Variants in GRIN2A observed in about 807,000 individuals in gnomAD.
GRIN2A encodes glutamate ionotropic receptor NMDA type subunit 2A.
GRIN2A carries 22 observed loss-of-function variants against 113.4 expected under a neutral mutation model. That is an observed-to-expected ratio of 0.19 (90% CI 0.14 to 0.28). GRIN2A has a LOEUF of 0.28. Ranked by LOEUF, GRIN2A falls within the 10% of genes least tolerant of loss-of-function variation. GRIN2A has a pLI of 1.00. For missense variants in GRIN2A, 1,502 were observed against 1,887.0 expected, an observed-to-expected ratio of 0.80 and a Z score of 3.78; for synonymous variants, 827 against 738.4, an observed-to-expected ratio of 1.12 and a Z score of -1.94.
Position 9,879,676 on chromosome 16 carries a change from T to C in GRIN2A, c.1122+11310A>G, listed in dbSNP as rs563425081. ...GTGCAGACAATTGGGTTCCAAATCCTGGCTTTGAAATTTACTAGCTCTGTG... is the reference window on the plus strand; with the variant it reads ...GTGCAGACAATTGGGTTCCAAATCCCGGCTTTGAAATTTACTAGCTCTGTG... On this transcript the variant is annotated intron_variant, in intron 4 of 12. Transcript: ENST00000330684. Among the ~76,000 whole-genome samples the C allele has an allele frequency of 2.0e-4, 30 of 152,342 alleles. No individual in the cohort carries two copies. In the Middle Eastern group the frequency reaches 0.014, roughly 69 times the overall value.
chr16:9,978,877 A>G (rs137966025), intron 2 of GRIN2A, among the ~76,000 whole-genome samples: 11 of 152,344 alleles, frequency 7.2e-5, no homozygotes, highest in African/African-American at 2.6e-4. Context: ...AGCAAGACAG[A>G]GGGAGAGAAG....
intron 5 of GRIN2A, among the ~76,000 whole-genome samples, chr16:9,842,252 C>CAAAAAAAAA (rs57369493): frequency 1.3e-4 from 18 of 137,096 alleles, no homozygotes; most frequent in African/African-American, 4.9e-4. Context: ...ACTCTGTCTC[C>CAAAAAAAAA]AAAAAAAAAA....
At chr16:10,131,105 A>G (rs1228606727) in intron 2 of GRIN2A, among the ~76,000 whole-genome samples, 1 of 152,238 alleles carries the variant, frequency 6.6e-6, no homozygotes, top group Admixed American at 6.5e-5. Context: ...AGCTGGCATG[A>G]TGGAAAATAG....
intron 2 of GRIN2A, among the ~76,000 whole-genome samples, chr16:10,024,522 T>A (rs774636431): frequency 5.9e-5 from 9 of 152,226 alleles, no homozygotes; most frequent in Admixed American, 2.0e-4. Context: ...CCAGCCAATG[T>A]CACGCACAGT....
intron 4 of GRIN2A, among the ~76,000 whole-genome samples, chr16:9,864,079 G>A (rs577769373): frequency 6.6e-6 from 1 of 152,264 alleles, no homozygotes; most frequent in East Asian, 1.9e-4. Context: ...CCTGCATAAA[G>A]ACAATTTAGA....
chr16:9,917,479 G>A (rs192509912), intron 3 of GRIN2A, among the ~76,000 whole-genome samples: 1 of 152,308 alleles, frequency 6.6e-6, no homozygotes, highest in African/African-American at 2.4e-5. Context: ...AAGCCTCAAT[G>A]TTCTTACATC....
At chr16:9,826,046 A>G (rs1333309132) in intron 9 of GRIN2A, among the ~76,000 whole-genome samples, 3 of 152,022 alleles carry the variant, frequency 2.0e-5, no homozygotes, top group African/African-American at 7.2e-5. Flanking sequence ...AGGGTAGAAG[A>G]AGGAAATAAC....
At chr16:10,152,272 C>CCA (rs146501581) in intron 2 of GRIN2A, among the ~76,000 whole-genome samples, 1,925 of 152,308 alleles carry the variant, frequency 0.013, 46 homozygotes, top group African/African-American at 0.044. Context: ...TACAAACACC[C>CCA]CATGCTCCAA....
At position 9,853,859 on chromosome 16, in the gene GRIN2A, CCTT is replaced by C. The variant is rs764884390; in HGVS notation, c.1123-3901_1123-3899del. 3.3e-5 allele frequency among the ~76,000 whole-genome samples: 5 copies of C among 152,084 alleles called. No homozygotes were observed. The South Asian group carries it at 1.0e-3, about 32-fold the overall frequency. On this transcript the variant is annotated intron_variant, in intron 4 of 12. Transcript: ENST00000330684. ...TGTTTCATTTATACTCCCACTCACT[CCTT>C]CTATATTACAGCAAAAAAACCCATT...
intron 2 of GRIN2A, among the ~76,000 whole-genome samples, chr16:10,137,765 G>A (rs960170223): frequency 6.6e-6 from 1 of 152,206 alleles, no homozygotes; most frequent in Non-Finnish European, 1.5e-5. Context: ...CATTAAATGA[G>A]AGAGTGTGAC....
chr16:9,990,886 G>A (rs947245664), intron 2 of GRIN2A, among the ~76,000 whole-genome samples: 1 of 152,074 alleles, frequency 6.6e-6, no homozygotes, highest in African/African-American at 2.4e-5. Flanking sequence ...GGCCAACATG[G>A]TGAAACCTCC....
chr16:9,932,654 A>AT (rs1313515113), intron 3 of GRIN2A, among the ~76,000 whole-genome samples: 1 of 152,052 alleles, frequency 6.6e-6, no homozygotes, highest in African/African-American at 2.4e-5. Context: ...AAGTGCTGGG[A>AT]TTACAAGTAT....
At chr16:10,092,788 A>G (rs964749949) in intron 2 of GRIN2A, among the ~76,000 whole-genome samples, 1 of 151,966 alleles carries the variant, frequency 6.6e-6, no homozygotes, top group Non-Finnish European at 1.5e-5. Context: ...TAAGCCCTCC[A>G]TCTCATGTAC....
At chr16:9,970,383 G>C (rs535058776) in intron 2 of GRIN2A, among the ~76,000 whole-genome samples, 149 of 152,304 alleles carry the variant, frequency 9.8e-4, no homozygotes, top group Middle Eastern at 6.8e-3. Flanking sequence ...CCACTAGAGA[G>C]ACTGGAGTAG....
Position 9,803,250 on chromosome 16 carries a change from C to CA in GRIN2A, c.2169-4787dup, listed in dbSNP as rs368823628. Among the ~76,000 whole-genome samples the CA allele has an allele frequency of 1.5e-3, 226 of 151,564 alleles. 1 individual carries two copies. The highest frequency in any genetic ancestry group is 5.1e-3 in the African/African-American group (210 of 41,370). Reference sequence around the variant, plus strand: ...AGAAACCCCGTCTCTACTAAAATTACAAAAAAAATAGCTGGGCATGGTGGC... The same window carrying CA: ...AGAAACCCCGTCTCTACTAAAATTACAAAAAAAAATAGCTGGGCATGGTGGC... On this transcript the variant is annotated intron_variant, in intron 10 of 12. Coordinates refer to ENST00000330684, the MANE Select transcript of GRIN2A (RefSeq NM_001134407.3).
intron 2 of GRIN2A, among the ~76,000 whole-genome samples, chr16:10,087,212 T>A (rs1474882418): frequency 1.3e-5 from 2 of 152,250 alleles, no homozygotes; most frequent in East Asian, 3.8e-4. Flanking sequence ...GGGACAATGA[T>A]AATAATCACT....
chr16:10,131,987 T>TA (rs1334829454), intron 2 of GRIN2A, among the ~76,000 whole-genome samples: 1 of 151,810 alleles, frequency 6.6e-6, no homozygotes, highest in Non-Finnish European at 1.5e-5. Flanking sequence ...TCCATATCCC[T>TA]AAAAAAAAGT....
intron 8 of GRIN2A, among the ~76,000 whole-genome samples, chr16:9,833,840 C>G (rs143842646): frequency 2.0e-5 from 3 of 152,288 alleles, no homozygotes; most frequent in African/African-American, 7.2e-5. Context: ...CTGCCTCTGC[C>G]TCATGAGTAG....
At chr16:10,008,482 C>T (rs1183606524) in intron 2 of GRIN2A, among the ~76,000 whole-genome samples, 2 of 152,124 alleles carry the variant, frequency 1.3e-5, no homozygotes, top group Non-Finnish European at 2.9e-5. Context: ...GGAGTTGTTT[C>T]CAACAATAAC....
Sources: gnomAD v4.1 joint callset for allele counts (sites outside exome capture counted in the v4.1 genomes callset) on GRCh38, gnomAD v4.1.1 for gene constraint, MANE v1.5 for transcripts, NCBI Gene and HGNC (gene_info 2026-07-23, HGNC 2026-07-21) for gene names.